Variants in ZNF343 observed in about 807,000 individuals in gnomAD.
ZNF343 encodes zinc finger protein 343.
Under a neutral mutation model 13.8 loss-of-function variants are expected in ZNF343, and 11 were observed. The ratio of observed to expected loss-of-function variants is 0.80; its 90% CI spans 0.50 to 1.32. The LOEUF is 1.32. ZNF343 is among the 40% of genes most tolerant of loss of function. The pLI, the probability that ZNF343 is intolerant of heterozygous loss-of-function variation, is 0.00. For synonymous variants in ZNF343, 248 were observed against 260.0 expected (o/e 0.95, Z 0.44); for missense variants, 658 against 714.2 (o/e 0.92, Z 0.90).
chr20:2,515,477 AT>A (rs1356406701), intron 1 of ZNF343, among the ~76,000 whole-genome samples: 2 of 152,244 alleles, frequency 1.3e-5, no homozygotes, highest in Non-Finnish European at 2.9e-5. Flanking sequence ...ATCTTAAAAA[AT>A]ATTCCAAAAA....
upstream of ZNF343, among the ~76,000 whole-genome samples, chr20:2,513,730 G>T (rs182099748): frequency 7.9e-5 from 12 of 152,308 alleles, no homozygotes; most frequent in African/African-American, 2.9e-4. Context: ...GAAACAATCC[G>T]AATGTTCATC....
chr20:2,484,673 T>G lies in ZNF343; in HGVS notation c.305-17A>C. ...TTGGTTCTGCTGAAGAATGAAAGTTTTCTGTTAGAGTAGCCATAAGTAGGG... is the reference window on the plus strand; with the variant it reads ...TTGGTTCTGCTGAAGAATGAAAGTTGTCTGTTAGAGTAGCCATAAGTAGGG... On this transcript the variant is annotated splice_polypyrimidine_tract_variant and intron_variant, in intron 5 of 5. Transcript: ENST00000278772. 1.9e-6 allele frequency: 3 copies of G among 1,567,590 alleles called. No individual in the cohort carries two copies. The South Asian group carries it at 3.6e-5, about 19-fold the overall frequency.
chr20:2,503,999 C>CA (rs2085613163), intron 1 of ZNF343, among the ~76,000 whole-genome samples: 1 of 151,994 alleles, frequency 6.6e-6, no homozygotes, highest in Non-Finnish European at 1.5e-5. Context: ...AAAAAACCTT[C>CA]AAAAAAATCA....
chr20:2,500,749 AT>A lies in ZNF343; in HGVS notation c.-236-8del, dbSNP rs1482168468. On this transcript the variant is annotated splice_polypyrimidine_tract_variant and splice_region_variant and intron_variant, in intron 1 of 5. Coordinates refer to ENST00000278772, the MANE Select transcript of ZNF343 (RefSeq NM_024325.6). ...GGGATTGGAGAAGGTGGACCTGAGG[AT>A]GAAACAGGCAGTGTGAGATTCAGGA... 1 of 152,188 alleles carries A rather than the reference AT, an allele frequency of 6.6e-6. No homozygotes were observed. The highest frequency in any genetic ancestry group is 2.4e-5 in the African/African-American group (1 of 41,424). 9.4% of individuals were successfully genotyped at this position (152,188 alleles called of 1,614,324 possible). A position where few individuals can be genotyped will look rare whatever the true frequency, so the allele number is the denominator to read the frequency against.
At chr20:2,511,058 T>C (rs1450700124), upstream of ZNF343, among the ~76,000 whole-genome samples, 5 of 152,058 alleles carry the variant, frequency 3.3e-5, no homozygotes, top group Admixed American at 6.5e-5. Flanking sequence ...TCAGGACAAA[T>C]GTGACCTTCT....
intron 1 of ZNF343, among the ~76,000 whole-genome samples, chr20:2,523,677 C>CTTTTTTTTT (rs3051730): frequency 4.9e-5 from 5 of 102,790 alleles, no homozygotes; most frequent in Admixed American, 1.2e-4. Context: ...GCTATGTGTA[C>CTTTTTTTTT]TTTTTTTTTT....
At position 2,484,175 on chromosome 20, in the gene ZNF343, G is replaced by T; in HGVS notation, c.786C>A (p.Thr262=). Residue 262 remains threonine (T), a synonymous_variant, in exon 6 of 6, where the codon ACC becomes ACA. Coordinates refer to ENST00000278772, the MANE Select transcript of ZNF343 (RefSeq NM_024325.6). The part of the protein sequence containing the change: ...LESNFITNPR[T]LLGKKPYICS... ...AAATGTAGGGCTTCTTCCCTAAGAG[G>T]GTCCTCGGGTTTGTAATAAAGTTTG... is the stretch of plus-strand genomic sequence containing the variant. 1.9e-6 allele frequency: 3 copies of T among 1,614,214 alleles called. No homozygotes were observed. Among genetic ancestry groups the T allele is most frequent in the South Asian group, 2.2e-5 (2 of 91,082 alleles).
intron 5 of ZNF343, among the ~76,000 whole-genome samples, chr20:2,490,010 A>G (rs1038985348): frequency 2.0e-5 from 3 of 152,054 alleles, no homozygotes; most frequent in African/African-American, 7.2e-5. Context: ...AAAGTAAAAT[A>G]AAAGAAGGAA....
chr20:2,523,348 C>T, intron 1 of ZNF343, among the ~76,000 whole-genome samples: 1 of 152,082 alleles, frequency 6.6e-6, no homozygotes, highest in East Asian at 1.9e-4. Flanking sequence ...ATAGTCAGTC[C>T]GGCAGCCCAT....
chr20:2,511,321 G>T (rs1203485315), upstream of ZNF343, among the ~76,000 whole-genome samples: 1 of 151,896 alleles, frequency 6.6e-6, no homozygotes, highest in East Asian at 1.9e-4. Flanking sequence ...TGTTGCCCAG[G>T]CTGATCTTAA....
intron 1 of ZNF343, among the ~76,000 whole-genome samples, chr20:2,504,127 A>T (rs1224466123): frequency 6.6e-6 from 1 of 152,186 alleles, no homozygotes; most frequent in Non-Finnish European, 1.5e-5. Flanking sequence ...GATAAAGGGG[A>T]TATCACCACT....
chr20:2,508,156 A>T lies in ZNF343; in HGVS notation c.-237+725T>A, dbSNP rs2085697392. Reference sequence around the variant, plus strand: ...GCCTAGATGCCTGTCAGAGTGATACAGCCCACCACTATCAGAGGACGAAAC... The same window carrying T: ...GCCTAGATGCCTGTCAGAGTGATACTGCCCACCACTATCAGAGGACGAAAC... On this transcript the variant is annotated intron_variant, in intron 1 of 5. Coordinates refer to ENST00000278772, the MANE Select transcript of ZNF343 (RefSeq NM_024325.6). This position sits in a 1 kb window ranked among gnomAD's most constrained non-coding sequence, Gnocchi z 4.5. Among the ~76,000 whole-genome samples, 1 of 152,088 alleles carries T rather than the reference A, an allele frequency of 6.6e-6. No homozygotes were observed. The highest frequency in any genetic ancestry group is 2.4e-5 in the African/African-American group (1 of 41,394).
chr20:2,488,595 C>A (rs1318984016), intron 5 of ZNF343, among the ~76,000 whole-genome samples: 4 of 151,846 alleles, frequency 2.6e-5, no homozygotes, highest in African/African-American at 9.7e-5. Context: ...AGGATAGTAC[C>A]CTGTTATAGC....
chr20:2,487,200 G>A (rs981465548), intron 5 of ZNF343, among the ~76,000 whole-genome samples: 5 of 152,190 alleles, frequency 3.3e-5, no homozygotes, highest in Middle Eastern at 3.4e-3. Flanking sequence ...CTTTGTATTC[G>A]ATTGTAGGGA....
chr20:2,505,815 G>T (rs1163801572), intron 1 of ZNF343, among the ~76,000 whole-genome samples: 4 of 152,084 alleles, frequency 2.6e-5, no homozygotes, highest in Non-Finnish European at 5.9e-5. Flanking sequence ...AGACTTAAAT[G>T]TTAGACCTAA....
At chr20:2,501,674 C>T (rs1404533390) in intron 1 of ZNF343, among the ~76,000 whole-genome samples, 1 of 152,210 alleles carries the variant, frequency 6.6e-6, no homozygotes, top group Non-Finnish European at 1.5e-5. Context: ...TGTTCTGCAG[C>T]CTCCGCTGCT....
intron 1 of ZNF343, among the ~76,000 whole-genome samples, chr20:2,516,534 A>G (rs2122757483): frequency 6.6e-6 from 1 of 152,088 alleles, no homozygotes; most frequent in East Asian, 1.9e-4. Context: ...TCAGTGTCAA[A>G]GTAAGAGTCC....
At chr20:2,510,488 A>G (rs1272691826), upstream of ZNF343, among the ~76,000 whole-genome samples, 1 of 152,026 alleles carries the variant, frequency 6.6e-6, no homozygotes, top group East Asian at 1.9e-4. Flanking sequence ...ATTTCTTTTC[A>G]CCTTCCCAAT....
chr20:2,505,665 A>G (rs1174145219), intron 1 of ZNF343, among the ~76,000 whole-genome samples: 2 of 152,216 alleles, frequency 1.3e-5, no homozygotes, highest in African/African-American at 4.8e-5. Context: ...GATCTTTGAC[A>G]AACCTGACAA....
Sources: allele counts gnomAD v4.1 joint callset (sites outside exome capture counted in the v4.1 genomes callset), GRCh38; gene constraint gnomAD v4.1.1; non-coding constraint Gnocchi (gnomAD v3.1); transcripts MANE v1.5; gene names NCBI Gene and HGNC (gene_info 2026-07-23, HGNC 2026-07-21).